Variants in TBC1D14 observed in about 807,000 individuals in gnomAD.
The protein encoded by TBC1D14 is TBC1 domain family, member 14.
Under a neutral mutation model 79.0 loss-of-function variants are expected in TBC1D14, and 26 were observed. The observed-to-expected ratio is 0.33, with a 90% CI of 0.24 to 0.46. The LOEUF is 0.46. Among genes scored for constraint, TBC1D14 ranks in the 20% least tolerant of loss-of-function variants. TBC1D14 has a pLI of 1.00. For synonymous variants in TBC1D14, 394 were observed against 349.9 expected (o/e 1.13, Z -1.40); for missense variants, 769 against 887.6 (o/e 0.87, Z 1.70).
chr4:6,924,157 G>T lies in TBC1D14; in HGVS notation c.722+46G>T, dbSNP rs1204421180. 3 of 1,561,244 alleles carry T rather than the reference G, an allele frequency of 1.9e-6. No individual in the cohort carries two copies. The South Asian group carries it at 3.6e-5, about 19-fold the overall frequency. On this transcript the variant is annotated intron_variant, in intron 2 of 13. Coordinates refer to ENST00000409757, the MANE Select transcript of TBC1D14 (RefSeq NM_020773.3). ...TAGAAGATCGTGGTGGTTGAGTCCA[G>T]ACCAGTCTCCTTGTTCCTGTCTCAA...
intron 13 of TBC1D14, among the ~76,000 whole-genome samples, chr4:7,025,608 A>C (rs138041489): frequency 6.6e-6 from 1 of 152,382 alleles, no homozygotes; most frequent in African/African-American, 2.4e-5. Flanking sequence ...AAATAATGCC[A>C]GAGACAGAAA....
intron 3 of TBC1D14, among the ~76,000 whole-genome samples, chr4:6,968,113 C>T (rs1035843477): frequency 2.0e-5 from 3 of 152,168 alleles, no homozygotes; most frequent in African/African-American, 7.2e-5. Context: ...GCTGTCTGCC[C>T]CAAGTGTCGC....
intron 2 of TBC1D14, among the ~76,000 whole-genome samples, chr4:6,962,151 G>A (rs1411119567): frequency 6.6e-6 from 1 of 152,196 alleles, no homozygotes; most frequent in East Asian, 1.9e-4. Context: ...GTGGGCACCT[G>A]GACGAAGGGG....
At chr4:6,921,825 T>C (rs1723888525) in intron 1 of TBC1D14, among the ~76,000 whole-genome samples, 1 of 151,750 alleles carries the variant, frequency 6.6e-6, no homozygotes, top group Non-Finnish European at 1.5e-5. Flanking sequence ...GCTTCCCTAG[T>C]AGCTGAGATT....
At chr4:6,951,582 C>A (rs1030085805) in intron 2 of TBC1D14, among the ~76,000 whole-genome samples, 2 of 152,212 alleles carry the variant, frequency 1.3e-5, no homozygotes, top group Non-Finnish European at 1.5e-5. Flanking sequence ...CTCACCTACA[C>A]CCCCTCCCTC....
At chr4:6,980,690 T>A (rs1211942480) in intron 3 of TBC1D14, among the ~76,000 whole-genome samples, 1 of 150,570 alleles carries the variant, frequency 6.6e-6, no homozygotes, top group Non-Finnish European at 1.5e-5. Context: ...TCCACAAAAA[T>A]AAGACAATAG....
intron 2 of TBC1D14, among the ~76,000 whole-genome samples, chr4:6,966,895 C>T (rs1232055294): frequency 3.9e-5 from 6 of 152,160 alleles, no homozygotes; most frequent in East Asian, 1.9e-4. Flanking sequence ...CTGCAAGCTC[C>T]GCCTCCCAGG....
At chr4:6,994,516 T>C (rs1418651470) in intron 4 of TBC1D14, among the ~76,000 whole-genome samples, 1 of 152,180 alleles carries the variant, frequency 6.6e-6, no homozygotes, top group Non-Finnish European at 1.5e-5. Flanking sequence ...GACCAGGATT[T>C]TCCGTTCAGG....
At chr4:7,020,199 G>A (rs1427392024) in intron 12 of TBC1D14, among the ~76,000 whole-genome samples, 2 of 152,214 alleles carry the variant, frequency 1.3e-5, no homozygotes, top group Non-Finnish European at 2.9e-5. Flanking sequence ...TCAGGGTGGG[G>A]AGGACTCTGG....
chr4:7,030,533 A>G lies in TBC1D14; in HGVS notation c.*141A>G. 2.5e-6 allele frequency: 2 copies of G among 802,644 alleles called. No homozygotes were observed. Among genetic ancestry groups the G allele is most frequent in the Non-Finnish European group, 2.0e-6 (1 of 505,182 alleles). 49.7% of individuals were successfully genotyped at this position (802,644 alleles called of 1,614,324 possible). A position where few individuals can be genotyped will look rare whatever the true frequency, so the allele number is the denominator to read the frequency against. Reference sequence around the variant, plus strand: ...CCTAACACTGGAGTTGGCCTTAAACAAAACAAACACAAAAACTTTTAAAGA... The same window carrying G: ...CCTAACACTGGAGTTGGCCTTAAACGAAACAAACACAAAAACTTTTAAAGA... On this transcript the variant is annotated 3_prime_UTR_variant, in exon 14 of 14. Transcript: ENST00000409757.
chr4:7,000,218 G>GAGA (rs1340669289), intron 6 of TBC1D14, among the ~76,000 whole-genome samples: 1 of 152,178 alleles, frequency 6.6e-6, no homozygotes, highest in Non-Finnish European at 1.5e-5. Flanking sequence ...CCCACCGAGG[G>GAGA]AGACCACTCT....
chr4:6,928,582 C>T (rs186515344), intron 2 of TBC1D14, among the ~76,000 whole-genome samples: 4 of 152,254 alleles, frequency 2.6e-5, no homozygotes, highest in Admixed American at 2.0e-4. Context: ...CCTGTAATCC[C>T]AGCACTTTGG....
intron 2 of TBC1D14, among the ~76,000 whole-genome samples, chr4:6,962,878 C>G (rs1380942466): frequency 1.3e-5 from 2 of 152,170 alleles, no homozygotes; most frequent in Admixed American, 6.5e-5. Context: ...CCTCATCGCC[C>G]TATACTTGCC....
chr4:6,940,665 G>A (rs1294957691), intron 2 of TBC1D14, among the ~76,000 whole-genome samples: 1 of 152,178 alleles, frequency 6.6e-6, no homozygotes, highest in Non-Finnish European at 1.5e-5. Context: ...GGTGCCTGTT[G>A]TGCCTTCCAG....
Position 6,923,709 on chromosome 4 carries a change from T to C in TBC1D14, c.320T>C (p.Leu107Pro). 1 of 1,613,838 alleles carries C rather than the reference T, an allele frequency of 6.2e-7. No individual in the cohort carries two copies. The highest frequency in any genetic ancestry group is 8.5e-7 in the Non-Finnish European group (1 of 1,180,028). The change falls in exon 2 of 14, where the codon CTG becomes CCG. Residue 107 changes from leucine (L) to proline (P), a missense_variant. Coordinates refer to ENST00000409757, the MANE Select transcript of TBC1D14 (RefSeq NM_020773.3). ...CGGGCCTTCCAGAGCGCCTGCGCGC[T>C]GCCATCCTGTGCGCCACCAGCTCCT... Reference protein sequence around the residue: ...PERAFQSACALPSCAPPAPSS... With the variant: ...PERAFQSACAPPSCAPPAPSS...
At chr4:6,994,439 T>G (rs920380113) in intron 4 of TBC1D14, 137 bp downstream of exon 4, 1 of 731,806 alleles carries the variant, frequency 1.4e-6, no homozygotes, top group Non-Finnish European at 2.4e-6. Flanking sequence ...ATTCTCTATA[T>G]TAACATGTGT....
At chr4:6,927,005 G>A (rs1316989036) in intron 2 of TBC1D14, among the ~76,000 whole-genome samples, 2 of 152,202 alleles carry the variant, frequency 1.3e-5, no homozygotes, top group East Asian at 3.8e-4. Flanking sequence ...TAGTCTAGGA[G>A]AACATGCTCG....
chr4:6,959,661 C>T (rs929263261), intron 2 of TBC1D14, among the ~76,000 whole-genome samples: 2 of 152,332 alleles, frequency 1.3e-5, no homozygotes, highest in South Asian at 2.1e-4. Context: ...ATTTTTGAGG[C>T]ATAGTAGGCA....
intron 1 of TBC1D14, 34 bp from the exon 2 acceptor site, chr4:6,923,339 T>C: frequency 6.4e-7 from 1 of 1,551,210 alleles, no homozygotes. Context: ...GAATTTTATA[T>C]CCACTTTAAT....
Sources: allele counts gnomAD v4.1 joint callset (sites outside exome capture counted in the v4.1 genomes callset), GRCh38; gene constraint gnomAD v4.1.1; transcripts MANE v1.5; gene names NCBI Gene and HGNC (gene_info 2026-07-23, HGNC 2026-07-21).